TMCC3: variants seen among roughly 807,000 people sequenced by gnomAD.
TMCC3 encodes transmembrane and coiled-coil domain family 3, also known as transmembrane and coiled-coil domain protein 3.
A neutral mutation model predicts 40.2 loss-of-function variants in TMCC3; 28 were observed. The ratio of observed to expected loss-of-function variants is 0.70; its 90% CI spans 0.52 to 0.95. The LOEUF (loss-of-function observed/expected upper bound fraction) is 0.95. Ranked by LOEUF, TMCC3 falls within the 40% of genes least tolerant of loss-of-function variation. TMCC3 has a pLI of 0.00. For missense variants in TMCC3, 554 were observed against 615.2 expected (o/e 0.90, Z 1.05); for synonymous variants, 255 against 248.5 (o/e 1.03, Z -0.25).
chr12:94,630,209 C>T (rs376515319), intron 1 of TMCC3, among the ~76,000 whole-genome samples: 3 of 150,526 alleles, frequency 2.0e-5, no homozygotes, highest in Middle Eastern at 3.4e-3. Context: ...GAGCCAAGAA[C>T]GTGTCGCTGC....
rs1380071896 is a variant in TMCC3 at position 94,612,321 on chromosome 12, A to AT, written c.79-29784dup. On this transcript the variant is annotated intron_variant, in intron 1 of 3. Coordinates refer to ENST00000261226, the MANE Select transcript of TMCC3 (RefSeq NM_020698.4). ...AATGGTTCTCAAGTTTATTTTATTT[A>AT]TTTTTTTTGAGATGGAGTCTCGCTC... is the stretch of plus-strand genomic sequence containing the variant. 3.4e-5 allele frequency among the ~76,000 whole-genome samples: 5 copies of AT among 145,512 alleles called. No homozygotes were observed. In the East Asian group the frequency reaches 6.3e-4, roughly 18 times the overall value.
chr12:94,612,394 T>C (rs1205605399), intron 1 of TMCC3, among the ~76,000 whole-genome samples: 1 of 152,042 alleles, frequency 6.6e-6, no homozygotes. Context: ...CACTGCAATC[T>C]CCGCCTCCCG....
At chr12:94,576,999 C>T (rs2068569253) in intron 3 of TMCC3, among the ~76,000 whole-genome samples, 1 of 152,118 alleles carries the variant, frequency 6.6e-6, no homozygotes, top group Non-Finnish European at 1.5e-5. Flanking sequence ...GTTTAGGCCA[C>T]TTAACCTCTC....
intron 1 of TMCC3, among the ~76,000 whole-genome samples, chr12:94,632,729 G>A (rs1474539181): frequency 6.6e-6 from 1 of 152,230 alleles, no homozygotes; most frequent in Non-Finnish European, 1.5e-5. Flanking sequence ...AAGAATGGCT[G>A]TAAATACACT....
chr12:94,578,632 T>G, intron 2 of TMCC3, 103 bp from the exon 3 acceptor site: 2 of 1,276,932 alleles, frequency 1.6e-6, no homozygotes, highest in Non-Finnish European at 2.1e-6. Flanking sequence ...CTTGCTCTCA[T>G]TCCCTGATGG....
rs1382719687 is a variant in TMCC3 at position 94,571,731 on chromosome 12, A to G, written c.1138T>C (p.Leu380=). Residue 380 remains leucine (L), a synonymous_variant, in exon 4 of 4, where the codon TTG becomes CTG. Coordinates refer to ENST00000261226, the MANE Select transcript of TMCC3 (RefSeq NM_020698.4). ...GAAATGCGAGTCTGGCAGGATTCCA[A>G]GGCTTCCTGTGAGCAAGAGGGAGAG... The part of the protein sequence containing the change: ...YERSRDIQEA[L]ESCQTRISKL... 1.9e-6 allele frequency: 3 copies of G among 1,613,682 alleles called. No individual in the cohort carries two copies. The highest frequency in any genetic ancestry group is 2.7e-5 in the African/African-American group (2 of 75,036).
intron 1 of TMCC3, among the ~76,000 whole-genome samples, chr12:94,613,380 G>C (rs893032233): frequency 2.0e-5 from 3 of 152,116 alleles, no homozygotes; most frequent in African/African-American, 7.2e-5. Context: ...GCTGAGGCAA[G>C]AGGATGAGCC....
intron 1 of TMCC3, 72 bp downstream of exon 1, chr12:94,650,281 T>TGAGCCGCCGCCCCAGCCCGCC (rs1271498221): frequency 6.9e-5 from 71 of 1,030,908 alleles, no homozygotes; most frequent in Non-Finnish European, 8.5e-5. Flanking sequence ...GGGTTAGCAC[T>TGAGCCGCCGCCCCAGCCCGCC]GAGCCGCCGC....
chr12:94,609,596 C>T (rs767835777), intron 1 of TMCC3, among the ~76,000 whole-genome samples: 65 of 152,276 alleles, frequency 4.3e-4, no homozygotes, highest in Admixed American at 3.2e-3. Flanking sequence ...AGTGATTTTG[C>T]TATTTTCATA....
chr12:94,592,448 T>TGGC (rs2068682198), intron 1 of TMCC3, among the ~76,000 whole-genome samples: 1 of 148,836 alleles, frequency 6.7e-6, no homozygotes, highest in Admixed American at 6.8e-5. Flanking sequence ...GAGACCAGCC[T>TGGC]GGCCTACATG....
chr12:94,617,743 GCT>G (rs2068855420), intron 1 of TMCC3, among the ~76,000 whole-genome samples: 1 of 152,216 alleles, frequency 6.6e-6, no homozygotes, highest in Non-Finnish European at 1.5e-5. Context: ...TTGCTATGTG[GCT>G]TAAGTGGTGT....
chr12:94,580,281 AT>A (rs2068592233), intron 2 of TMCC3, among the ~76,000 whole-genome samples: 1 of 152,248 alleles, frequency 6.6e-6, no homozygotes, highest in South Asian at 2.1e-4. Context: ...TTAATAAGTT[AT>A]AAGCACCTAA....
intron 1 of TMCC3, among the ~76,000 whole-genome samples, chr12:94,593,236 G>T (rs982338597): frequency 2.0e-5 from 3 of 147,664 alleles, no homozygotes; most frequent in Non-Finnish European, 4.5e-5. Context: ...GCATGGTGGC[G>T]GGTGCCTGTA....
intron 1 of TMCC3, among the ~76,000 whole-genome samples, chr12:94,597,303 A>T (rs1378345743): frequency 6.6e-6 from 1 of 151,706 alleles, no homozygotes; most frequent in Non-Finnish European, 1.5e-5. Flanking sequence ...CGACAAAGCC[A>T]GACTCTGTCT....
chr12:94,635,259 A>T (rs1444496574), intron 1 of TMCC3, among the ~76,000 whole-genome samples: 1 of 152,240 alleles, frequency 6.6e-6, no homozygotes, highest in Non-Finnish European at 1.5e-5. Context: ...TTTATTAAAT[A>T]GGAGGAATGT....
chr12:94,615,721 A>G (rs887403291), intron 1 of TMCC3, among the ~76,000 whole-genome samples: 4 of 152,226 alleles, frequency 2.6e-5, no homozygotes, highest in Non-Finnish European at 5.9e-5. Flanking sequence ...CTGGTGGTTC[A>G]TTAGGCGTTT....
chr12:94,579,498 C>A (rs2068587577), intron 2 of TMCC3, among the ~76,000 whole-genome samples: 1 of 152,192 alleles, frequency 6.6e-6, no homozygotes, highest in Non-Finnish European at 1.5e-5. Context: ...CAGAGCAAGA[C>A]TCCATCTCAA....
intron 1 of TMCC3, chr12:94,615,882 A>G (rs959333586): frequency 1.0e-5 from 10 of 967,466 alleles, no homozygotes; most frequent in Non-Finnish European, 1.2e-6. Context: ...ATACATATTT[A>G]CACACTCTGG....
rs1032655319 is a variant in TMCC3 at position 94,591,675 on chromosome 12, G to A, written c.79-9137C>T. Among the ~76,000 whole-genome samples, 9 of 152,288 alleles carry A rather than the reference G, an allele frequency of 5.9e-5. No individual in the cohort carries two copies. The East Asian group carries it at 1.7e-3, about 29-fold the overall frequency. On this transcript the variant is annotated intron_variant, in intron 1 of 3. Coordinates refer to ENST00000261226, the MANE Select transcript of TMCC3 (RefSeq NM_020698.4). ...GGAGGTTGAGGCACGAGGGTCAAGA[G>A]CCTGGGAGGTGGAGGTTGCAGTGAG... is the stretch of plus-strand genomic sequence containing the variant.
Sources: gnomAD v4.1 joint callset for allele counts (sites outside exome capture counted in the v4.1 genomes callset) on GRCh38, gnomAD v4.1.1 for gene constraint, MANE v1.5 for transcripts, NCBI Gene and HGNC (gene_info 2026-07-23, HGNC 2026-07-21) for gene names.